The following OPRM1 variants were observed in gnomAD, a reference collection of about 807,000 sequenced individuals.
OPRM1 encodes mu-type opioid receptor.
In OPRM1, 27 loss-of-function variants were observed where a neutral mutation model predicts 31.8. The ratio of observed to expected loss-of-function variants is 0.85; its 90% CI spans 0.63 to 1.17. The LOEUF (loss-of-function observed/expected upper bound fraction) is 1.17, where lower values mean the gene tolerates loss of function less well. Among genes scored for constraint, OPRM1 ranks in the 50% most tolerant of loss-of-function variants. OPRM1 has a pLI of 0.00. For synonymous variants in OPRM1, 196 were observed against 189.9 expected (o/e 1.03, Z -0.26); for missense variants, 536 against 511.1 (o/e 1.05, Z -0.47).
At chr6:154,193,305 G>A (rs578174263) in intron 3 of OPRM1, among the ~76,000 whole-genome samples, 10 of 152,292 alleles carry the variant, frequency 6.6e-5, no homozygotes, top group South Asian at 6.2e-4. Flanking sequence ...CTCATAAGTG[G>A]GAGCTAAGCT....
rs573639573 is a variant in OPRM1, at chr6:154,100,207, T to C, written c.1164+8735T>C. On this transcript the variant is annotated intron_variant, in intron 3 of 3. Transcript: ENST00000330432. ...TTATGACATATCATAATATATATTA[T>C]CATATTATGACATATCGTAATATAT... Among the ~76,000 whole-genome samples the C allele has an allele frequency of 5.3e-4, 67 of 127,572 alleles. 11 individuals are homozygous for C. Among genetic ancestry groups the C allele is most frequent in the African/African-American group, 1.8e-3 (61 of 33,748 alleles). 83.7% of individuals were successfully genotyped at this position (127,572 alleles called of 152,430 possible).
At chr6:154,231,543 C>A (rs867655811) in intron 3 of OPRM1, among the ~76,000 whole-genome samples, 7 of 152,296 alleles carry the variant, frequency 4.6e-5, no homozygotes, top group South Asian at 4.1e-4. Context: ...CAGTGAATAA[C>A]TATGAAAAAC....
At chr6:154,207,560 T>TTTTTTTTTG (rs1270739709) in intron 3 of OPRM1, among the ~76,000 whole-genome samples, 8 of 147,846 alleles carry the variant, frequency 5.4e-5, no homozygotes, top group Non-Finnish European at 1.2e-4. Flanking sequence ...CTTTTTGGGG[T>TTTTTTTTTG]TTTTTTTGTT....
At chr6:154,206,821 G>T (rs886326233) in intron 3 of OPRM1, among the ~76,000 whole-genome samples, 1 of 152,326 alleles carries the variant, frequency 6.6e-6, no homozygotes, top group East Asian at 1.9e-4. Context: ...ACGAGGGCAG[G>T]AATGTCTGGA....
intron 1 of OPRM1, among the ~76,000 whole-genome samples, chr6:154,047,239 GGA>G (rs1781293392): frequency 6.8e-6 from 1 of 146,026 alleles, no homozygotes; most frequent in East Asian, 2.1e-4. Context: ...AATGCAGGAA[GGA>G]GAGGGAAAAG....
At position 154,039,770 on chromosome 6, in the gene OPRM1, CT is replaced by C; in HGVS notation, c.227del (p.Leu76ProfsTer19). The C allele has an allele frequency of 6.2e-7, 1 of 1,604,594 alleles. No homozygotes were observed. The highest frequency in any genetic ancestry group is 8.5e-7 in the Non-Finnish European group (1 of 1,179,852). On this transcript the variant is annotated frameshift_variant, in exon 1 of 4. Transcript: ENST00000330432. LOFTEE classifies it high-confidence loss of function. ...SMITAITIMA[L>X]YSIVCVVGLF... The stretch of plus-strand genomic sequence containing the variant: ...GATCACGGCCATCACGATCATGGCC[CT>C]CTACTCCATCGTGTGCGTGGTGGGG...
In OPRM1 at chr6:154,129,839, C is replaced by A. The variant is rs1161593123; in HGVS notation, c.*11118C>A. On this transcript the variant is annotated 3_prime_UTR_variant, in exon 4 of 4. Coordinates refer to ENST00000330432, the MANE Select transcript of OPRM1 (RefSeq NM_000914.5). ...TTTTAAGCGTACTTTACCACCGACA[C>A]CCTCCCCCCCCAGCACACACACACA... Among the ~76,000 whole-genome samples the A allele has an allele frequency of 7.2e-6, 1 of 138,214 alleles. No homozygotes were observed. The allele number at this position is 138,214 out of a possible 152,430, so 90.7% of individuals were successfully genotyped here.
At position 154,130,152 on chromosome 6, in the gene OPRM1, T is replaced by C. The variant is rs505340; in HGVS notation, c.*11431T>C. Among the ~76,000 whole-genome samples the C allele has an allele frequency of 0.67, 99,094 of 148,514 alleles. 33,410 individuals carry two copies. The highest frequency in any genetic ancestry group is 0.9 in the East Asian group (4,609 of 5,116). ...GTCTCTACCCAAACCATCGATTTCA[T>C]GGAAATGTTTAAATTTTCTTTTTTT... On this transcript the variant is annotated 3_prime_UTR_variant, in exon 4 of 4. Transcript: ENST00000330432.
At chr6:154,241,073 T>C (rs1780541206) in intron 3 of OPRM1, among the ~76,000 whole-genome samples, 1 of 151,820 alleles carries the variant, frequency 6.6e-6, no homozygotes, top group Admixed American at 6.6e-5. Flanking sequence ...CCGTCTCTAC[T>C]AAAAATACAA....
intron 1 of OPRM1, among the ~76,000 whole-genome samples, chr6:154,050,595 A>T (rs1030276493): frequency 6.7e-6 from 1 of 148,882 alleles, no homozygotes; most frequent in South Asian, 2.2e-4. Context: ...TGGTGACCAG[A>T]GGCTGGAAAG....
chr6:154,190,916 C>T (rs1032887048), intron 3 of OPRM1, among the ~76,000 whole-genome samples: 18 of 152,008 alleles, frequency 1.2e-4, no homozygotes, highest in African/African-American at 3.9e-4. Context: ...ATTAGCTGGG[C>T]GTGGTGGCAG....
chr6:154,158,902 GT>G (rs1798818206), intron 3 of OPRM1: 1 of 152,106 alleles, frequency 6.6e-6, no homozygotes, highest in South Asian at 2.1e-4. Flanking sequence ...GCTTCCATGG[GT>G]TTTTGTTTTT....
chr6:154,065,936 T>A (rs1471273417), intron 1 of OPRM1, among the ~76,000 whole-genome samples: 1 of 152,192 alleles, frequency 6.6e-6, no homozygotes, highest in Non-Finnish European at 1.5e-5. Flanking sequence ...ATGTTATGGT[T>A]GATTCTTTCT....
At chr6:154,050,476 G>A (rs774853070) in intron 1 of OPRM1, among the ~76,000 whole-genome samples, 5 of 152,142 alleles carry the variant, frequency 3.3e-5, no homozygotes, top group Non-Finnish European at 5.9e-5. Context: ...AGATTATGCT[G>A]TTAAGTGAAA....
At chr6:154,020,774 C>CT (rs35488962) in intron 1 of OPRM1, among the ~76,000 whole-genome samples, 72 of 152,298 alleles carry the variant, frequency 4.7e-4, no homozygotes, top group African/African-American at 1.7e-3. Flanking sequence ...TTGCAATTCA[C>CT]TAAGGGCATA....
At chr6:154,193,354 C>T (rs1191341398) in intron 3 of OPRM1, among the ~76,000 whole-genome samples, 1 of 152,070 alleles carries the variant, frequency 6.6e-6, no homozygotes, top group Non-Finnish European at 1.5e-5. Flanking sequence ...ACTTTGGGGA[C>T]TCGGGGGAAA....
chr6:154,214,339 C>G (rs1778212337), intron 3 of OPRM1: 1 of 1,092,662 alleles, frequency 9.2e-7, no homozygotes. Context: ...ATTCACCTTC[C>G]CCCAGAGTTT....
intron 1 of OPRM1, among the ~76,000 whole-genome samples, chr6:154,049,479 C>G (rs1781793496): frequency 6.6e-6 from 1 of 152,170 alleles, no homozygotes; most frequent in Admixed American, 6.5e-5. Context: ...CCTCAAATGA[C>G]TGCAAAAGCC....
chr6:154,226,446 A>G (rs1779258924), intron 3 of OPRM1, among the ~76,000 whole-genome samples: 2 of 151,804 alleles, frequency 1.3e-5, no homozygotes, highest in East Asian at 3.9e-4. Flanking sequence ...CTTTCTAGCC[A>G]GTTGCCAAAA....
Sources: gnomAD v4.1 joint callset for allele counts (sites outside exome capture counted in the v4.1 genomes callset) on GRCh38, gnomAD v4.1.1 for gene constraint, MANE v1.5 for transcripts, NCBI Gene and HGNC (gene_info 2026-07-23, HGNC 2026-07-21) for gene names.